KDM2A: variants seen among roughly 807,000 people sequenced by gnomAD.
The protein encoded by KDM2A is lysine-specific demethylase 2A.
In KDM2A, 3 loss-of-function variants were observed where a neutral mutation model predicts 137.3. That is an observed-to-expected ratio of 0.02 (90% CI 0.01 to 0.06). KDM2A has a LOEUF of 0.06. Ranked by LOEUF, KDM2A falls within the 10% of genes least tolerant of loss-of-function variation. The pLI, the probability that KDM2A is intolerant of heterozygous loss-of-function variation, is 1.00. For synonymous variants in KDM2A, 512 were observed against 541.5 expected, an observed-to-expected ratio of 0.95 and a Z score of 0.76; for missense variants, 738 against 1,510.6, an observed-to-expected ratio of 0.49 and a Z score of 8.48.
At chr11:67,159,816 G>T (rs1856596158) in intron 2 of KDM2A, among the ~76,000 whole-genome samples, 1 of 152,146 alleles carries the variant, frequency 6.6e-6, no homozygotes, top group African/African-American at 2.4e-5. Flanking sequence ...TGTTTTTGCA[G>T]CAGGGAACAT....
At chr11:67,142,639 G>A (rs1856138031) in intron 2 of KDM2A, among the ~76,000 whole-genome samples, 1 of 151,476 alleles carries the variant, frequency 6.6e-6, no homozygotes, top group South Asian at 2.1e-4. Context: ...GGGAAGCGGA[G>A]GTTGCAGTGA....
intron 2 of KDM2A, among the ~76,000 whole-genome samples, chr11:67,125,317 A>C (rs1042305900): frequency 6.6e-6 from 1 of 151,566 alleles, no homozygotes; most frequent in Non-Finnish European, 1.5e-5. Flanking sequence ...GGTAGCTAGG[A>C]CTACAGCCCT....
chr11:67,149,289 T>G (rs1027646451), intron 2 of KDM2A: 1 of 152,120 alleles, frequency 6.6e-6, no homozygotes, highest in African/African-American at 2.4e-5. Flanking sequence ...CTCAGGTTTA[T>G]TCATTTCTAA....
At chr11:67,233,039 T>C (rs1858764050) in intron 12 of KDM2A, among the ~76,000 whole-genome samples, 1 of 152,114 alleles carries the variant, frequency 6.6e-6, no homozygotes, top group African/African-American at 2.4e-5. Flanking sequence ...GGAAATTATT[T>C]TAAGTCTTTC....
chr11:67,183,239 G>A (rs1368258316), intron 5 of KDM2A, among the ~76,000 whole-genome samples: 1 of 152,204 alleles, frequency 6.6e-6, no homozygotes, highest in African/African-American at 2.4e-5. Context: ...CTCGTCACAA[G>A]ACAGAACACT....
At chr11:67,193,797 G>T (rs1718395056) in intron 5 of KDM2A, among the ~76,000 whole-genome samples, 1 of 152,236 alleles carries the variant, frequency 6.6e-6, no homozygotes, top group African/African-American at 2.4e-5. Context: ...GGAGCGGGAG[G>T]TTGCGGTAAG....
At chr11:67,121,447 A>T in intron 2 of KDM2A, 89 bp downstream of exon 2, 1 of 1,330,818 alleles carries the variant, frequency 7.5e-7, no homozygotes, top group South Asian at 1.2e-5. Context: ...TGAATCTGTG[A>T]TTAAAACTTT....
At chr11:67,175,265 G>C (rs1856952551) in intron 2 of KDM2A, among the ~76,000 whole-genome samples, 1 of 152,178 alleles carries the variant, frequency 6.6e-6, no homozygotes, top group Non-Finnish European at 1.5e-5. Flanking sequence ...ATCCTTGACA[G>C]TGTTAAAATT....
chr11:67,214,222 T>TTTTTTTTGG (rs1565407441), intron 6 of KDM2A, among the ~76,000 whole-genome samples: 2 of 146,654 alleles, frequency 1.4e-5, no homozygotes, highest in Non-Finnish European at 1.5e-5. Context: ...TTTTTTTTTT[T>TTTTTTTTGG]GAGACGGAGT....
chr11:67,184,222 A>G (rs1484637731), intron 5 of KDM2A, among the ~76,000 whole-genome samples: 1 of 151,830 alleles, frequency 6.6e-6, no homozygotes, highest in African/African-American at 2.4e-5. Context: ...GGCCGGGTGC[A>G]GTGGCTCATG....
At chr11:67,216,537 C>T (rs920975254) in intron 8 of KDM2A, among the ~76,000 whole-genome samples, 1 of 152,216 alleles carries the variant, frequency 6.6e-6, no homozygotes, top group Non-Finnish European at 1.5e-5. Flanking sequence ...GTATTATACT[C>T]TTGTTACTCT....
chr11:67,232,514 C>T (rs1230623019), intron 12 of KDM2A, among the ~76,000 whole-genome samples: 5 of 152,106 alleles, frequency 3.3e-5, no homozygotes, highest in Non-Finnish European at 7.4e-5. Context: ...ACTTTAAGTT[C>T]TAGGGTACAT....
At chr11:67,127,728 A>G (rs1219137429) in intron 2 of KDM2A, among the ~76,000 whole-genome samples, 1 of 151,858 alleles carries the variant, frequency 6.6e-6, no homozygotes, top group South Asian at 2.1e-4. Flanking sequence ...TTATTTTGAG[A>G]TGGAGTTTTG....
intron 5 of KDM2A, among the ~76,000 whole-genome samples, chr11:67,203,271 T>C (rs913211181): frequency 3.3e-5 from 5 of 151,732 alleles, no homozygotes; most frequent in Non-Finnish European, 7.4e-5. Context: ...CAGTATAATG[T>C]AAATATATGC....
intron 2 of KDM2A, among the ~76,000 whole-genome samples, chr11:67,138,965 G>A (rs760712906): frequency 1.1e-4 from 16 of 152,144 alleles, no homozygotes; most frequent in Admixed American, 2.6e-4. Flanking sequence ...TTTTAAAATC[G>A]TTTCTTCATA....
At position 67,215,291 on chromosome 11, in the gene KDM2A, A is replaced by AC. The variant is rs767583567; in HGVS notation, c.487-45dup. On this transcript the variant is annotated intron_variant, in intron 6 of 20. Coordinates refer to ENST00000529006, the MANE Select transcript of KDM2A (RefSeq NM_012308.3). ...TTTCTTGACTTTAAAATTATCTTTG[A>AC]CCCCAACCTTTCCCTTGGAGCCCAA... The AC allele has an allele frequency of 4.9e-6, 6 of 1,219,470 alleles. No individual in the cohort carries two copies. In the East Asian group the frequency reaches 1.4e-4, roughly 29 times the overall value. 75.5% of individuals were successfully genotyped at this position (1,219,470 alleles called of 1,614,324 possible).
At chr11:67,235,946 A>G (rs141242123) in intron 12 of KDM2A, among the ~76,000 whole-genome samples, 7 of 152,280 alleles carry the variant, frequency 4.6e-5, no homozygotes, top group Admixed American at 3.9e-4. Flanking sequence ...CTAAAATTGG[A>G]AAGTTGTATT....
At chr11:67,217,532 G>A (rs1194062485) in intron 8 of KDM2A, 199 bp from the exon 9 acceptor site, 2 of 588,688 alleles carry the variant, frequency 3.4e-6, no homozygotes, top group African/African-American at 1.9e-5. Context: ...CCTTAATGCT[G>A]TTGGATCAAG....
rs890368093 is a variant in KDM2A, at chr11:67,255,299, T to C, written c.*244T>C. On this transcript the variant is annotated 3_prime_UTR_variant, in exon 21 of 21. Coordinates refer to ENST00000529006, the MANE Select transcript of KDM2A (RefSeq NM_012308.3). The stretch of plus-strand genomic sequence containing the variant: ...ATTGATCTGAGGGGAAAGCACAGGC[T>C]GTGCTGTCGAGGCGCCTGCTCGCTT... 25 of 544,394 alleles carry C rather than the reference T, an allele frequency of 4.6e-5. No homozygotes were observed. Among genetic ancestry groups the C allele is most frequent in the Non-Finnish European group, 8.0e-5 (24 of 299,556 alleles). 33.7% of individuals were successfully genotyped at this position (544,394 alleles called of 1,614,324 possible).
Sources: allele counts gnomAD v4.1 joint callset (sites outside exome capture counted in the v4.1 genomes callset), GRCh38; gene constraint gnomAD v4.1.1; transcripts MANE v1.5; gene names NCBI Gene and HGNC (gene_info 2026-07-23, HGNC 2026-07-21).